ROBO1: variants seen among roughly 807,000 people sequenced by gnomAD.
ROBO1 encodes the protein roundabout guidance receptor 1, also known as roundabout homolog 1.
A neutral mutation model predicts 195.9 loss-of-function variants in ROBO1; 149 were observed. The observed-to-expected ratio is 0.76, with a 90% CI of 0.67 to 0.87. ROBO1 has a LOEUF of 0.87. Among genes scored for constraint, ROBO1 ranks in the 40% least tolerant of loss-of-function variants. ROBO1 has a pLI of 0.00. For synonymous variants in ROBO1, 816 were observed against 733.2 expected, an observed-to-expected ratio of 1.11 and a Z score of -1.82; for missense variants, 1,933 against 2,068.3, an observed-to-expected ratio of 0.93 and a Z score of 1.27.
intron 2 of ROBO1, among the ~76,000 whole-genome samples, chr3:79,493,451 A>T (rs937129561): frequency 6.6e-6 from 1 of 152,054 alleles, no homozygotes; most frequent in Non-Finnish European, 1.5e-5. Flanking sequence ...ATGCTGTTAG[A>T]CACTGTGCTA....
chr3:79,467,637 C>T (rs1938037526), intron 2 of ROBO1, among the ~76,000 whole-genome samples: 1 of 152,068 alleles, frequency 6.6e-6, no homozygotes, highest in South Asian at 2.1e-4. Flanking sequence ...CCACCCATCC[C>T]ACTGAGAGCC....
chr3:79,708,551 G>T (rs1702151043), intron 1 of ROBO1, among the ~76,000 whole-genome samples: 1 of 152,068 alleles, frequency 6.6e-6, no homozygotes, highest in Non-Finnish European at 1.5e-5. Flanking sequence ...AGAAAAGAAA[G>T]GACAAGTACT....
At chr3:79,225,605 T>C (rs1252912096) in intron 2 of ROBO1, among the ~76,000 whole-genome samples, 2 of 152,188 alleles carry the variant, frequency 1.3e-5, no homozygotes, top group African/African-American at 4.8e-5. Flanking sequence ...TCTTTCCATT[T>C]ATTGTCTAGT....
intron 8 of ROBO1, among the ~76,000 whole-genome samples, chr3:78,690,464 T>A (rs1273181224): frequency 6.6e-6 from 1 of 152,060 alleles, no homozygotes; most frequent in Non-Finnish European, 1.5e-5. Flanking sequence ...ATAATTTTTT[T>A]AAAACTGTGA....
chr3:79,118,964 A>C (rs2080064878), intron 3 of ROBO1, among the ~76,000 whole-genome samples: 1 of 152,136 alleles, frequency 6.6e-6, no homozygotes, highest in Admixed American at 6.6e-5. Context: ...GATTTAAAAT[A>C]TTTTATTTAA....
chr3:79,020,849 G>A (rs1371495521), intron 3 of ROBO1, among the ~76,000 whole-genome samples: 9 of 152,232 alleles, frequency 5.9e-5, no homozygotes, highest in African/African-American at 2.2e-4. Flanking sequence ...AGCTGCTTTC[G>A]GTGGTTGCCT....
intron 2 of ROBO1, among the ~76,000 whole-genome samples, chr3:79,228,870 T>C (rs1489226610): frequency 6.6e-6 from 1 of 152,136 alleles, no homozygotes; most frequent in East Asian, 1.9e-4. Flanking sequence ...CCAAGTAATT[T>C]CATTTTCAGA....
chr3:79,760,513 A>AAT (rs397935250), intron 1 of ROBO1, among the ~76,000 whole-genome samples: 2 of 147,012 alleles, frequency 1.4e-5, no homozygotes, highest in Non-Finnish European at 3.0e-5. Context: ...AAAAAAAAAA[A>AAT]TAGAATCCAG....
At chr3:78,999,630 C>G (rs1445845808) in intron 3 of ROBO1, among the ~76,000 whole-genome samples, 2 of 152,216 alleles carry the variant, frequency 1.3e-5, no homozygotes, top group East Asian at 3.9e-4. Flanking sequence ...CATTCTTACT[C>G]CAAACCTCTG....
intron 2 of ROBO1, among the ~76,000 whole-genome samples, chr3:79,425,939 CA>C (rs1167185280): frequency 1.3e-5 from 2 of 152,128 alleles, no homozygotes; most frequent in Non-Finnish European, 2.9e-5. Flanking sequence ...ATTGTGGCTT[CA>C]GCTGTTCTCA....
chr3:79,681,799 A>C (rs1946957556), intron 1 of ROBO1, among the ~76,000 whole-genome samples: 1 of 152,024 alleles, frequency 6.6e-6, no homozygotes, highest in Admixed American at 6.6e-5. Flanking sequence ...TCATTCACAG[A>C]CAACAAAACA....
intron 2 of ROBO1, among the ~76,000 whole-genome samples, chr3:79,419,731 C>A (rs887087942): frequency 6.6e-6 from 1 of 151,986 alleles, no homozygotes; most frequent in Non-Finnish European, 1.5e-5. Context: ...CATTAACAAA[C>A]CCTAGACATA....
chr3:79,343,705 C>T (rs934768977), intron 2 of ROBO1, among the ~76,000 whole-genome samples: 1 of 126,340 alleles, frequency 7.9e-6, no homozygotes, highest in Non-Finnish European at 1.6e-5. Flanking sequence ...TAGGTTTCCC[C>T]TAATTTAAGT....
chr3:78,630,264 T>G (rs1302787216), intron 25 of ROBO1, among the ~76,000 whole-genome samples: 1 of 152,222 alleles, frequency 6.6e-6, no homozygotes, highest in Non-Finnish European at 1.5e-5. Context: ...CAATGAATGG[T>G]TCAACATTTG....
At chr3:79,475,788 TC>T (rs1291572107) in intron 2 of ROBO1, among the ~76,000 whole-genome samples, 1 of 152,086 alleles carries the variant, frequency 6.6e-6, no homozygotes, top group Non-Finnish European at 1.5e-5. Context: ...GCATAAGAGT[TC>T]TTTGTAAACC....
Position 79,021,982 on chromosome 3 carries a change from A to G in ROBO1, c.173-83055T>C, listed in dbSNP as rs1209402846. ...CGGCCTAGAGATGATATTTCCGAGG[A>G]CAGTCAGCAGTAAGTATCTTCAAGG... On this transcript the variant is annotated intron_variant, in intron 3 of 30. Transcript: ENST00000464233. Among the ~76,000 whole-genome samples the G allele has an allele frequency of 2.0e-5, 3 of 152,072 alleles. No individual in the cohort carries two copies. The East Asian group carries it at 5.8e-4, about 29-fold the overall frequency.
Position 79,454,014 on chromosome 3 carries a change from T to C in ROBO1, c.88+135810A>G, listed in dbSNP as rs938084699. Among the ~76,000 whole-genome samples the C allele has an allele frequency of 7.1e-4, 108 of 152,182 alleles. 1 individual carries two copies. The highest frequency in any genetic ancestry group is 2.5e-3 in the African/African-American group (102 of 41,540). On this transcript the variant is annotated intron_variant, in intron 2 of 30. Coordinates refer to ENST00000464233, the MANE Select transcript of ROBO1 (RefSeq NM_002941.4). ...CAGCCTAAGCAAATAAGTAGGAGTG[T>C]GTTACTGAAGTCAGATATGAGTTTG... is the stretch of plus-strand genomic sequence containing the variant.
chr3:78,802,656 C>T (rs2084403473), intron 4 of ROBO1, among the ~76,000 whole-genome samples: 1 of 152,010 alleles, frequency 6.6e-6, no homozygotes, highest in Non-Finnish European at 1.5e-5. Flanking sequence ...TGATTTCAAT[C>T]CCACATAAGA....
At chr3:78,836,154 A>G (rs2032689734) in intron 4 of ROBO1, among the ~76,000 whole-genome samples, 1 of 152,214 alleles carries the variant, frequency 6.6e-6, no homozygotes, top group South Asian at 2.1e-4. Flanking sequence ...TATTCCAGTT[A>G]TAAGAAAGAA....
Sources: gnomAD v4.1 joint callset for allele counts (sites outside exome capture counted in the v4.1 genomes callset) on GRCh38, gnomAD v4.1.1 for gene constraint, MANE v1.5 for transcripts, NCBI Gene and HGNC (gene_info 2026-07-23, HGNC 2026-07-21) for gene names.